The following DMRT3 variants were observed in gnomAD, a reference collection of about 807,000 sequenced individuals.
DMRT3 encodes doublesex- and mab-3-related transcription factor 3.
In DMRT3, 29 loss-of-function variants were observed where a neutral mutation model predicts 34.9. The ratio of observed to expected loss-of-function variants is 0.83; its 90% CI spans 0.62 to 1.13. The LOEUF is 1.13. Ranked by LOEUF, DMRT3 falls within the 50% of genes most tolerant of loss-of-function variation. The pLI is 0.00. For missense variants in DMRT3, 772 were observed against 629.1 expected (o/e 1.23, Z -2.43); for synonymous variants, 350 against 286.0 (o/e 1.22, Z -2.26).
chr9:987,539 A>T (rs1820301358), intron 1 of DMRT3, among the ~76,000 whole-genome samples: 1 of 151,924 alleles, frequency 6.6e-6, no homozygotes, highest in African/African-American at 2.4e-5. Context: ...TGCTGCCATG[A>T]ACATTGGTAT....
At chr9:986,890 CA>C (rs5895884) in intron 1 of DMRT3, among the ~76,000 whole-genome samples, 24 of 138,726 alleles carry the variant, frequency 1.7e-4, no homozygotes, top group Admixed American at 3.6e-4. Flanking sequence ...GACTCTGTCT[CA>C]AAAAAAAAAA....
intron 1 of DMRT3, among the ~76,000 whole-genome samples, chr9:981,052 G>A (rs1007376248): frequency 6.6e-6 from 1 of 151,940 alleles, no homozygotes; most frequent in East Asian, 1.9e-4. Context: ...AAGAGAGAAG[G>A]ATCAAATGGG....
chr9:977,186 T>G lies in DMRT3; in HGVS notation c.185T>G (p.Ile62Ser), dbSNP rs1820160734. 5 of 1,610,062 alleles carry G rather than the reference T, an allele frequency of 3.1e-6. No individual in the cohort carries two copies. Among genetic ancestry groups the G allele is most frequent in the African/African-American group, 1.3e-5 (1 of 74,672 alleles). ...DCTCEKCILI[I>S]ERQRVMAAQV... ...ACCTGCGAGAAGTGCATCCTCATCATCGAGCGGCAGCGGGTCATGGCTGCG... is the reference window on the plus strand; with the variant it reads ...ACCTGCGAGAAGTGCATCCTCATCAGCGAGCGGCAGCGGGTCATGGCTGCG... The change falls in exon 1 of 2, where the codon ATC becomes AGC. Residue 62 changes from isoleucine to serine, a missense_variant. Transcript: ENST00000190165.
chr9:988,449 G>C (rs7850971), intron 1 of DMRT3, among the ~76,000 whole-genome samples: 8,213 of 152,252 alleles, frequency 0.054, 746 homozygotes, highest in African/African-American at 0.19. Flanking sequence ...TCCTGTATTA[G>C]AAGAATGTTT....
At chr9:979,697 T>C (rs1232354856) in intron 1 of DMRT3, among the ~76,000 whole-genome samples, 1 of 152,130 alleles carries the variant, frequency 6.6e-6, no homozygotes, top group Non-Finnish European at 1.5e-5. Flanking sequence ...GGCATACAAG[T>C]GGATCCATTC....
rs756245272 is a variant in DMRT3, at chr9:977,036, G to T, written c.35G>T (p.Gly12Val). 6.4e-7 allele frequency: 1 copy of T among 1,562,280 alleles called. No homozygotes were observed. The highest frequency in any genetic ancestry group is 8.6e-7 in the Non-Finnish European group (1 of 1,156,086). The change falls in exon 1 of 2, where the codon GGC becomes GTC. Residue 12 changes from glycine to valine, a missense_variant. Gly to Val is a moderately radical substitution (Grantham distance 109). Transcript: ENST00000190165. ...NGYGSPYLYM[G>V]GPVSQPPRAP... Reference sequence around the variant, plus strand: ...TACGGCTCCCCCTACCTGTACATGGGCGGCCCGGTGTCGCAGCCGCCACGG... The same window carrying T: ...TACGGCTCCCCCTACCTGTACATGGTCGGCCCGGTGTCGCAGCCGCCACGG...
intron 1 of DMRT3, among the ~76,000 whole-genome samples, chr9:980,664 C>G (rs1820205647): frequency 2.4e-5 from 2 of 82,666 alleles, no homozygotes; most frequent in South Asian, 1.0e-3. Context: ...TAAATTCCCT[C>G]TATGTTCTTC....
rs139452913 is a variant in DMRT3 at position 981,106 on chromosome 9, C to T, written c.454+3651C>T. 2.0e-3 allele frequency among the ~76,000 whole-genome samples: 306 copies of T among 151,734 alleles called. 1 individual carries two copies. Among genetic ancestry groups the T allele is most frequent in the African/African-American group, 7.2e-3 (298 of 41,344 alleles). ...CTGTTTATTTCTTAGGGGGTGGGGGCGGAGCAAACAAGATAACTATAGGGG... is the reference window on the plus strand; with the variant it reads ...CTGTTTATTTCTTAGGGGGTGGGGGTGGAGCAAACAAGATAACTATAGGGG... On this transcript the variant is annotated intron_variant, in intron 1 of 1. Coordinates refer to ENST00000190165, the MANE Select transcript of DMRT3 (RefSeq NM_021240.4).
intron 1 of DMRT3, among the ~76,000 whole-genome samples, chr9:984,220 C>G (rs279884): frequency 0.85 from 128,977 of 152,132 alleles, 55,009 homozygotes; most frequent in African/African-American, 0.94. Context: ...CTGTTATTTA[C>G]AGGTGTGTTC....
At position 990,643 on chromosome 9, in the gene DMRT3, C is replaced by G. The variant is rs761032961; in HGVS notation, c.1057C>G (p.Pro353Ala). 2 of 1,614,026 alleles carry G rather than the reference C, an allele frequency of 1.2e-6. No homozygotes were observed. The highest frequency in any genetic ancestry group is 2.2e-5 in the South Asian group (2 of 91,084). ...SADSSNVVPSPLAGPLQPPFP... is the reference protein window; with the variant it reads ...SADSSNVVPSALAGPLQPPFP... Reference sequence around the variant, plus strand: ...CGACTCTAGCAACGTTGTCCCCAGTCCCTTGGCTGGGCCTCTGCAGCCCCC... The same window carrying G: ...CGACTCTAGCAACGTTGTCCCCAGTGCCTTGGCTGGGCCTCTGCAGCCCCC... Residue 353 changes from proline to alanine, a missense_variant, in exon 2 of 2, where the codon CCC (proline) becomes GCC (alanine). Transcript: ENST00000190165.
intron 1 of DMRT3, among the ~76,000 whole-genome samples, chr9:979,123 G>A (rs1381728390): frequency 6.6e-6 from 1 of 152,154 alleles, no homozygotes. Context: ...TCCTGTGATC[G>A]GGCATTGGGT....
intron 1 of DMRT3, among the ~76,000 whole-genome samples, chr9:987,781 G>A (rs1381586431): frequency 6.6e-6 from 1 of 152,152 alleles, no homozygotes. Context: ...AAACTGTTTA[G>A]AAGTACATAG....
In DMRT3 at chr9:977,240, A is replaced by G; in HGVS notation, c.239A>G (p.Asn80Ser). ...AQVALRRQQA[N>S]ESLESLIPDS... is the part of the protein sequence containing the mutation. ...GTGGCGCTGCGCCGGCAGCAGGCCAACGAGAGCTTGGAGAGCCTCATCCCC... is the reference window on the plus strand; with the variant it reads ...GTGGCGCTGCGCCGGCAGCAGGCCAGCGAGAGCTTGGAGAGCCTCATCCCC... Residue 80 changes from asparagine to serine, a missense_variant, in exon 1 of 2, where the codon AAC becomes AGC. Physicochemically the swap from Asn to Ser is conservative, Grantham distance 46 (BLOSUM62 1). Transcript: ENST00000190165. 1 of 1,598,370 alleles carries G rather than the reference A, an allele frequency of 6.3e-7. No homozygotes were observed.
At chr9:982,682 T>G (rs2130061900) in intron 1 of DMRT3, among the ~76,000 whole-genome samples, 1 of 152,298 alleles carries the variant, frequency 6.6e-6, no homozygotes, top group Middle Eastern at 3.4e-3. Context: ...AAGGAATAAA[T>G]CTTCATAAAT....
chr9:977,337 C>G lies in DMRT3; in HGVS notation c.336C>G (p.Ala112=). 3 of 1,264,646 alleles carry G rather than the reference C, an allele frequency of 2.4e-6. No individual in the cohort carries two copies. In the African/African-American group the frequency reaches 4.7e-5, roughly 20 times the overall value. 78.3% of individuals were successfully genotyped at this position (1,264,646 alleles called of 1,614,324 possible). A position where few individuals can be genotyped will look rare whatever the true frequency, so the allele number is the denominator to read the frequency against. The change falls in exon 1 of 2, where the codon GCC becomes GCG. Residue 112 remains alanine, a synonymous_variant. Coordinates refer to ENST00000190165, the MANE Select transcript of DMRT3 (RefSeq NM_021240.4). ...DAVAAPQPPP[A]SQPSQPQPPR... Reference sequence around the variant, plus strand: ...TCGCCGCCCCGCAGCCGCCGCCAGCCTCTCAGCCGTCGCAGCCGCAGCCGC... The same window carrying G: ...TCGCCGCCCCGCAGCCGCCGCCAGCGTCTCAGCCGTCGCAGCCGCAGCCGC...
Position 977,279 on chromosome 9 carries a change from C to T in DMRT3, c.278C>T (p.Ala93Val), listed in dbSNP as rs780713887. 1 of 1,510,546 alleles carries T rather than the reference C, an allele frequency of 6.6e-7. No individual in the cohort carries two copies. Among genetic ancestry groups the T allele is most frequent in the Non-Finnish European group, 8.9e-7 (1 of 1,124,290 alleles). 93.6% of individuals were successfully genotyped at this position (1,510,546 alleles called of 1,614,324 possible). A position where few individuals can be genotyped will look rare whatever the true frequency, so the allele number is the denominator to read the frequency against. Residue 93 changes from alanine (A) to valine (V), a missense_variant, in exon 1 of 2, where the codon GCT becomes GTT. By Grantham distance (64) the Ala-to-Val change is moderately conservative. Coordinates refer to ENST00000190165, the MANE Select transcript of DMRT3 (RefSeq NM_021240.4). The stretch of plus-strand genomic sequence containing the variant: ...AGCCTCATCCCCGACTCGCTGCGCG[C>T]TCTGCCAGGGCCCCCGCCGCCGGGG... ...LESLIPDSLR[A>V]LPGPPPPGDA...
chr9:990,776 T>A lies in DMRT3; in HGVS notation c.1190T>A (p.Leu397Gln). The change falls in exon 2 of 2, where the codon CTG (leucine) becomes CAG (glutamine). Residue 397 changes from leucine (L) to glutamine (Q), a missense_variant. Leu to Gln is a moderately radical substitution (Grantham distance 113). Coordinates refer to ENST00000190165, the MANE Select transcript of DMRT3 (RefSeq NM_021240.4). Reference protein sequence around the residue: ...NDVTLWNTMTLQQQYQLRSQY... With the variant: ...NDVTLWNTMTQQQQYQLRSQY... Reference sequence around the variant, plus strand: ...GTCACCCTGTGGAACACCATGACGCTGCAGCAGCAGTATCAGCTGAGGTCC... The same window carrying A: ...GTCACCCTGTGGAACACCATGACGCAGCAGCAGCAGTATCAGCTGAGGTCC... The A allele has an allele frequency of 6.2e-7, 1 of 1,614,158 alleles. No individual in the cohort carries two copies. Among genetic ancestry groups the A allele is most frequent in the Admixed American group, 1.7e-5 (1 of 60,026 alleles).
chr9:983,060 A>G (rs552449598), intron 1 of DMRT3, among the ~76,000 whole-genome samples: 5 of 152,318 alleles, frequency 3.3e-5, no homozygotes, highest in African/African-American at 9.6e-5. Flanking sequence ...TTAGTGAGTC[A>G]TCCTCTTGCC....
Position 991,597 on chromosome 9 carries a change from A to C in DMRT3, c.*592A>C, listed in dbSNP as rs1820364589. 6.6e-6 allele frequency: 1 copy of C among 152,614 alleles called. No individual in the cohort carries two copies. Among genetic ancestry groups the C allele is most frequent in the Admixed American group, 6.5e-5 (1 of 15,284 alleles). 9.5% of individuals were successfully genotyped at this position (152,614 alleles called of 1,614,324 possible). ...TCTTTTCACATGGCTGAATCGAAAC[A>C]TGTGTAATGTCAATGTAAAACCAAT... On this transcript the variant is annotated 3_prime_UTR_variant, in exon 2 of 2. Transcript: ENST00000190165.
Sources: gnomAD v4.1 joint callset for allele counts (sites outside exome capture counted in the v4.1 genomes callset) on GRCh38, gnomAD v4.1.1 for gene constraint, MANE v1.5 for transcripts, NCBI Gene and HGNC (gene_info 2026-07-23, HGNC 2026-07-21) for gene names.